Variants in MARCHF1 observed in about 807,000 individuals in gnomAD.
MARCHF1 encodes the protein membrane associated ring-CH-type finger 1.
In MARCHF1, 40 loss-of-function variants were observed where a neutral mutation model predicts 54.2. The ratio of observed to expected loss-of-function variants is 0.74; its 90% CI spans 0.57 to 0.96. The LOEUF (loss-of-function observed/expected upper bound fraction) is 0.96. Among genes scored for constraint, MARCHF1 ranks in the 40% least tolerant of loss-of-function variants. The pLI, the probability that MARCHF1 is intolerant of heterozygous loss-of-function variation, is 0.00. For missense variants in MARCHF1, 586 were observed against 656.5 expected (o/e 0.89, Z 1.17); for synonymous variants, 236 against 236.3 (o/e 1.00, Z 0.01).
chr4:163,717,238 C>T (rs1745292665), intron 4 of MARCHF1, among the ~76,000 whole-genome samples: 1 of 147,596 alleles, frequency 6.8e-6, no homozygotes, highest in South Asian at 2.2e-4. Flanking sequence ...TGAGTGAGAA[C>T]ATGCGGTGTT....
intron 8 of MARCHF1, among the ~76,000 whole-genome samples, chr4:163,577,418 C>T (rs1740075922): frequency 6.6e-6 from 1 of 152,026 alleles, no homozygotes; most frequent in Admixed American, 6.6e-5. Flanking sequence ...CTGATATCCC[C>T]TGGCATGTAG....
intron 3 of MARCHF1, among the ~76,000 whole-genome samples, chr4:163,929,973 A>AATATATTATATATATAT: frequency 8.0e-6 from 1 of 125,380 alleles, no homozygotes; most frequent in African/African-American, 3.1e-5. Flanking sequence ...AATATATATA[A>AATATATTATATATATAT]TATATATAAT....
intron 4 of MARCHF1, among the ~76,000 whole-genome samples, chr4:163,726,038 C>T (rs1356402282): frequency 2.6e-5 from 4 of 151,936 alleles, no homozygotes; most frequent in Non-Finnish European, 5.9e-5. Context: ...AGAGATTTCC[C>T]TTATATCCCC....
chr4:163,981,106 C>G (rs1464282940), intron 3 of MARCHF1, among the ~76,000 whole-genome samples: 1 of 152,038 alleles, frequency 6.6e-6, no homozygotes, highest in East Asian at 1.9e-4. Context: ...TTATCTGTTT[C>G]CTGCAGCGTT....
rs535285820 is a variant in MARCHF1 at position 164,375,076 on chromosome 4, G to A, written c.-323+8794C>T. ...AATTGATCGAATTTCAAATTTGGGAGAATTTAGCAGAACCAAAATCCAAAC... is the reference window on the plus strand; with the variant it reads ...AATTGATCGAATTTCAAATTTGGGAAAATTTAGCAGAACCAAAATCCAAAC... On this transcript the variant is annotated intron_variant, in intron 1 of 9. Coordinates refer to ENST00000514618, the MANE Select transcript of MARCHF1 (RefSeq NM_001394959.1). Among the ~76,000 whole-genome samples the A allele has an allele frequency of 9.2e-5, 14 of 152,220 alleles. No individual in the cohort carries two copies. In the South Asian group the frequency reaches 2.3e-3, roughly 25 times the overall value.
intron 7 of MARCHF1, among the ~76,000 whole-genome samples, chr4:163,586,565 A>T (rs1187655199): frequency 6.6e-6 from 1 of 152,214 alleles, no homozygotes; most frequent in Non-Finnish European, 1.5e-5. Flanking sequence ...TCATGTAATA[A>T]GTTGTGCCTT....
chr4:163,675,667 A>C (rs1408181100), intron 5 of MARCHF1, among the ~76,000 whole-genome samples: 1 of 152,196 alleles, frequency 6.6e-6, no homozygotes, highest in Non-Finnish European at 1.5e-5. Context: ...TAGTGAACTT[A>C]AGTAAATTTG....
chr4:164,371,012 T>G (rs1731023251), intron 1 of MARCHF1, among the ~76,000 whole-genome samples: 1 of 151,846 alleles, frequency 6.6e-6, no homozygotes, highest in African/African-American at 2.4e-5. Flanking sequence ...ATGAGGAGAA[T>G]TCATCTTAAT....
chr4:163,825,147 G>C (rs544299647), intron 4 of MARCHF1, among the ~76,000 whole-genome samples: 3 of 152,040 alleles, frequency 2.0e-5, no homozygotes, highest in African/African-American at 7.2e-5. Context: ...TGTTGCTCCT[G>C]TCTCTGTGTC....
chr4:164,188,369 C>T lies in MARCHF1; in HGVS notation c.-322-76707G>A, dbSNP rs543657773. Reference sequence around the variant, plus strand: ...CCTGCGACGCCCTGCCTCTGCTGCCCGACTGGCTGGCAAGATGAAGCTCTC... The same window carrying T: ...CCTGCGACGCCCTGCCTCTGCTGCCTGACTGGCTGGCAAGATGAAGCTCTC... On this transcript the variant is annotated intron_variant, in intron 1 of 9. Coordinates refer to ENST00000514618, the MANE Select transcript of MARCHF1 (RefSeq NM_001394959.1). 492 of 478,944 alleles carry T rather than the reference C, an allele frequency of 1.0e-3. 8 individuals are homozygous for T. Among genetic ancestry groups the T allele is most frequent in the South Asian group, 0.01 (470 of 46,598 alleles). 29.7% of individuals were successfully genotyped at this position (478,944 alleles called of 1,614,324 possible).
chr4:163,573,946 C>A, intron 8 of MARCHF1, among the ~76,000 whole-genome samples: 1 of 150,408 alleles, frequency 6.6e-6, no homozygotes, highest in African/African-American at 2.4e-5. Context: ...AAAAGTGTTC[C>A]TATTTCTCCA....
chr4:163,632,257 T>C (rs1166523886), intron 5 of MARCHF1, among the ~76,000 whole-genome samples: 1 of 152,136 alleles, frequency 6.6e-6, no homozygotes, highest in East Asian at 1.9e-4. Context: ...GATGGCCGAA[T>C]AGGAACAGCT....
chr4:163,872,887 A>G (rs1490298436), intron 3 of MARCHF1, among the ~76,000 whole-genome samples: 2 of 152,050 alleles, frequency 1.3e-5, no homozygotes, highest in Non-Finnish European at 2.9e-5. Context: ...TACTAAAAAT[A>G]CAAAAAATTA....
intron 5 of MARCHF1, among the ~76,000 whole-genome samples, chr4:163,618,599 C>A (rs1024540807): frequency 1.3e-5 from 2 of 152,126 alleles, no homozygotes; most frequent in African/African-American, 4.8e-5. Context: ...CTGCACTCTG[C>A]TAAAATAGCA....
intron 1 of MARCHF1, among the ~76,000 whole-genome samples, chr4:164,259,544 C>CAAAAAAAAAAAAA (rs141030578): frequency 5.6e-4 from 33 of 58,754 alleles, no homozygotes; most frequent in African/African-American, 8.7e-4. Flanking sequence ...GACCGTGTCT[C>CAAAAAAAAAAAAA]AAAAAAAAAA....
chr4:163,782,688 G>C (rs927408234), intron 4 of MARCHF1, among the ~76,000 whole-genome samples: 1 of 118,658 alleles, frequency 8.4e-6, no homozygotes, highest in Non-Finnish European at 1.9e-5. Flanking sequence ...AAAAAAAAAA[G>C]AAAGAAAGAA....
intron 4 of MARCHF1, among the ~76,000 whole-genome samples, chr4:163,721,638 G>A (rs971587555): frequency 2.6e-5 from 4 of 152,176 alleles, no homozygotes; most frequent in South Asian, 4.1e-4. Context: ...GGTAGAATTC[G>A]GCTGTAAATC....
chr4:164,339,994 A>C (rs1313306522), intron 1 of MARCHF1, among the ~76,000 whole-genome samples: 1 of 152,174 alleles, frequency 6.6e-6, no homozygotes, highest in African/African-American at 2.4e-5. Context: ...TACACAATCT[A>C]CCAAGACTAA....
chr4:163,832,400 C>T (rs1342042116), intron 4 of MARCHF1, among the ~76,000 whole-genome samples: 1 of 152,116 alleles, frequency 6.6e-6, no homozygotes, highest in African/African-American at 2.4e-5. Context: ...AATATCTATC[C>T]TCCACAATGC....
Sources: gnomAD v4.1 joint callset for allele counts (sites outside exome capture counted in the v4.1 genomes callset) on GRCh38, gnomAD v4.1.1 for gene constraint, MANE v1.5 for transcripts, NCBI Gene and HGNC (gene_info 2026-07-23, HGNC 2026-07-21) for gene names.